The following KIF26B variants were observed in gnomAD, a reference collection of about 807,000 sequenced individuals.
KIF26B encodes kinesin family member 26B, also known as kinesin-like protein KIF26B.
Under a neutral mutation model 151.2 loss-of-function variants are expected in KIF26B, and 63 were observed. That is an observed-to-expected ratio of 0.42 (90% confidence interval 0.34 to 0.51). The LOEUF (loss-of-function observed/expected upper bound fraction) is 0.51. Ranked by LOEUF, KIF26B falls within the 20% of genes least tolerant of loss-of-function variation. KIF26B has a pLI of 0.07. For synonymous variants in KIF26B, 1,357 were observed against 1,262.1 expected (o/e 1.08, Z -1.59); for missense variants, 2,813 against 2,913.6 (o/e 0.97, Z 0.79).
rs778072643 is a variant in KIF26B at position 245,688,779 on chromosome 1, C to G, written c.5796C>G (p.Leu1932=). 8.8e-6 allele frequency: 14 copies of G among 1,593,566 alleles called. No individual in the cohort carries two copies. The highest frequency in any genetic ancestry group is 3.4e-5 in the South Asian group (3 of 89,346). The change falls in exon 12 of 15, where the codon CTC becomes CTG. Residue 1932 remains leucine (L), a synonymous_variant. Coordinates refer to ENST00000407071, the MANE Select transcript of KIF26B (RefSeq NM_018012.4). ...SSSVGGRCRS[L]KTPKKRSNPG... ...CCGTGGGCGGCAGGTGCCGGAGCCT[C>G]AAGACCCCGAAGAAACGCTCCAATC...
chr1:245,452,376 T>C (rs1006170210), intron 4 of KIF26B, among the ~76,000 whole-genome samples: 1 of 152,206 alleles, frequency 6.6e-6, no homozygotes, highest in African/African-American at 2.4e-5. Context: ...TCTTTGGCTA[T>C]TATGTAAGTA....
chr1:245,480,789 A>G (rs1660149569), intron 4 of KIF26B, among the ~76,000 whole-genome samples: 1 of 151,614 alleles, frequency 6.6e-6, no homozygotes, highest in Non-Finnish European at 1.5e-5. Flanking sequence ...TTAAAAAAAA[A>G]AAAAAAAGAG....
rs567629732 is a variant in KIF26B, at chr1:245,540,142, C to A, written c.1167-625C>A. Among the ~76,000 whole-genome samples, 5 of 152,294 alleles carry A rather than the reference C, an allele frequency of 3.3e-5. No individual in the cohort carries two copies. Among genetic ancestry groups the A allele is most frequent in the South Asian group, 2.1e-4 (1 of 4,826 alleles). ...ATGAATTGCATTTTGTATTTAAAGA[C>A]CTCCCTGCACAATATCCTCTTATCT... On this transcript the variant is annotated intron_variant, in intron 4 of 14. Transcript: ENST00000407071. This position sits in a 1 kb window ranked among gnomAD's most constrained non-coding sequence, Gnocchi z 4.6.
chr1:245,639,952 T>G (rs1231642319), intron 9 of KIF26B, among the ~76,000 whole-genome samples: 4 of 151,220 alleles, frequency 2.6e-5, no homozygotes, highest in Non-Finnish European at 5.9e-5. Context: ...GGATCAAATG[T>G]TCTGTGAATA....
intron 4 of KIF26B, among the ~76,000 whole-genome samples, chr1:245,499,369 G>T (rs1168018304): frequency 1.3e-5 from 2 of 152,106 alleles, no homozygotes; most frequent in South Asian, 4.2e-4. Context: ...GCCCAGATAC[G>T]CAGGTGATTT....
chr1:245,285,519 A>C (rs1671149859), intron 2 of KIF26B, among the ~76,000 whole-genome samples: 1 of 151,962 alleles, frequency 6.6e-6, no homozygotes, highest in African/African-American at 2.4e-5. Context: ...ATCTGTGCTC[A>C]CTGAATTCCA....
rs918925831 is a variant in KIF26B, at chr1:245,498,649, C to A, written c.1167-42118C>A. On this transcript the variant is annotated intron_variant, in intron 4 of 14. Transcript: ENST00000407071. ...GTGTGGATTGTCAAGTTTTCTTCCT[C>A]TCCATAATATGGTCATTAATATTTC... 2.0e-4 allele frequency among the ~76,000 whole-genome samples: 31 copies of A among 152,194 alleles called. 1 individual carries two copies. Among genetic ancestry groups the A allele is most frequent in the African/African-American group, 7.5e-4 (31 of 41,448 alleles).
intron 2 of KIF26B, among the ~76,000 whole-genome samples, chr1:245,253,668 T>C (rs1670482057): frequency 6.6e-6 from 1 of 151,964 alleles, no homozygotes; most frequent in Admixed American, 6.6e-5. Flanking sequence ...TATTCATGTG[T>C]CAATTTTGAA....
intron 5 of KIF26B, among the ~76,000 whole-genome samples, chr1:245,548,056 A>C (rs1338565067): frequency 6.6e-6 from 1 of 152,170 alleles, no homozygotes; most frequent in African/African-American, 2.4e-5. Context: ...TTTTTGTTTA[A>C]GTTTCAGGGA....
Position 245,583,918 on chromosome 1 carries a change from CGTTCACA to C in KIF26B, c.1351-18651_1351-18645del, listed in dbSNP as rs547813980. ...CTGGATGAACTGTGGAGCAGTTCAC[CGTTCACA>C]GTTCACAAAAGGACCCTCTGTAGAA... On this transcript the variant is annotated intron_variant, in intron 5 of 14. Transcript: ENST00000407071. Among the ~76,000 whole-genome samples the C allele has an allele frequency of 4.5e-4, 69 of 152,318 alleles. 1 individual carries two copies. Among genetic ancestry groups the C allele is most frequent in the African/African-American group, 1.2e-3 (50 of 41,570 alleles).
In KIF26B at chr1:245,512,978, A is replaced by T. The variant is rs1660867446; in HGVS notation, c.1167-27789A>T. ...TTTTGGGTTCCCTGTTAAAGCAGAT[A>T]CCAGTTATAGCCTTCCTGGGTTAGG... On this transcript the variant is annotated intron_variant, in intron 4 of 14. Transcript: ENST00000407071. The surrounding 1 kb of genome is among the most constrained non-coding windows in gnomAD (Gnocchi z 4.3). Among the ~76,000 whole-genome samples the T allele has an allele frequency of 6.6e-6, 1 of 152,192 alleles. No homozygotes were observed.
chr1:245,220,930 G>A (rs1005440720), intron 2 of KIF26B, among the ~76,000 whole-genome samples: 9 of 152,064 alleles, frequency 5.9e-5, no homozygotes, highest in African/African-American at 2.2e-4. Context: ...TGAAGCCTGG[G>A]AAAGAAGGGG....
At chr1:245,273,715 A>G (rs1364051191) in intron 2 of KIF26B, among the ~76,000 whole-genome samples, 5 of 152,074 alleles carry the variant, frequency 3.3e-5, no homozygotes, top group Non-Finnish European at 5.9e-5. Context: ...TACGTAGACT[A>G]CCTCTCTTTA....
At chr1:245,423,600 AC>A (rs1311733724) in intron 4 of KIF26B, among the ~76,000 whole-genome samples, 1 of 151,584 alleles carries the variant, frequency 6.6e-6, no homozygotes, top group East Asian at 1.9e-4. Flanking sequence ...CAACAGAAAA[AC>A]CCCCAATTTG....
intron 4 of KIF26B, among the ~76,000 whole-genome samples, chr1:245,505,691 GCATTATATACAATTGT>G (rs1660718069): frequency 1.3e-5 from 2 of 152,184 alleles, no homozygotes; most frequent in Admixed American, 1.3e-4. Flanking sequence ...CATACATAAA[GCATTATATACAATTGT>G]CATTATATAC....
intron 5 of KIF26B, among the ~76,000 whole-genome samples, chr1:245,576,147 A>G (rs1307687022): frequency 6.6e-6 from 1 of 152,126 alleles, no homozygotes; most frequent in African/African-American, 2.4e-5. Flanking sequence ...AAATATAACA[A>G]TTAAGCCTCA....
intron 2 of KIF26B, among the ~76,000 whole-genome samples, chr1:245,199,131 A>G (rs2103537087): frequency 6.6e-6 from 1 of 152,176 alleles, no homozygotes; most frequent in Admixed American, 6.5e-5. Flanking sequence ...GAGCTAAGGC[A>G]AGACGCAGGT....
At chr1:245,169,334 T>TGGGTGTGG (rs752167803) in intron 2 of KIF26B, among the ~76,000 whole-genome samples, 1 of 147,222 alleles carries the variant, frequency 6.8e-6, no homozygotes, top group Non-Finnish European at 1.5e-5. Context: ...CCATGGTGTG[T>TGGGTGTGG]GTGTGTGTGT....
intron 10 of KIF26B, among the ~76,000 whole-genome samples, chr1:245,672,449 C>T (rs949531616): frequency 5.9e-5 from 9 of 152,208 alleles, no homozygotes; most frequent in African/African-American, 1.7e-4. Context: ...TGAATCCCTC[C>T]GGACAGGGTG....
Sources: gnomAD v4.1 joint callset for allele counts (sites outside exome capture counted in the v4.1 genomes callset) on GRCh38, gnomAD v4.1.1 for gene constraint, Gnocchi (gnomAD v3.1) non-coding constraint, MANE v1.5 for transcripts, NCBI Gene and HGNC (gene_info 2026-07-23, HGNC 2026-07-21) for gene names.